Variants in ATRNL1 observed in about 807,000 individuals in gnomAD.
The protein encoded by ATRNL1 is attractin-like protein 1.
ATRNL1 carries 95 observed loss-of-function variants against 182.7 expected under a neutral mutation model. The observed-to-expected ratio is 0.52, with a 90% CI of 0.44 to 0.62. The LOEUF (loss-of-function observed/expected upper bound fraction) is 0.62. ATRNL1 is among the 20% of genes least tolerant of loss of function. ATRNL1 has a pLI of 0.00. For synonymous variants in ATRNL1, 576 were observed against 568.3 expected, an observed-to-expected ratio of 1.01 and a Z score of -0.19; for missense variants, 1,471 against 1,679.5, an observed-to-expected ratio of 0.88 and a Z score of 2.17.
At position 115,201,075 on chromosome 10, in the gene ATRNL1, GT is replaced by G. The variant is rs1431751302; in HGVS notation, c.1349-14606del. On this transcript the variant is annotated intron_variant, in intron 8 of 28. Coordinates refer to ENST00000355044, the MANE Select transcript of ATRNL1 (RefSeq NM_207303.4). ...CCTTTGGCCACTTTTTGGTGGGCTT[GT>G]TTTTTTTTTTTTTTTGTAAATTTGT... 1.9e-3 allele frequency among the ~76,000 whole-genome samples: 239 copies of G among 125,552 alleles called. 1 individual carries two copies. The highest frequency in any genetic ancestry group is 0.016 in the Middle Eastern group (4 of 244). The allele number at this position is 125,552 out of a possible 152,430, so 82.4% of individuals were successfully genotyped here.
intron 19 of ATRNL1, among the ~76,000 whole-genome samples, chr10:115,345,802 C>T (rs1027966338): frequency 4.6e-5 from 7 of 152,170 alleles, no homozygotes; most frequent in African/African-American, 1.7e-4. Context: ...TCTGTCTTTA[C>T]AAATTTACTT....
At chr10:115,923,683 T>G (rs571518891) in intron 28 of ATRNL1, among the ~76,000 whole-genome samples, 1 of 152,320 alleles carries the variant, frequency 6.6e-6, no homozygotes, top group Non-Finnish European at 1.5e-5. Flanking sequence ...GTTCCATGAC[T>G]TTGCTGTTGT....
chr10:115,596,632 G>A (rs1472394574), intron 26 of ATRNL1, among the ~76,000 whole-genome samples: 1 of 152,144 alleles, frequency 6.6e-6, no homozygotes, highest in Non-Finnish European at 1.5e-5. Flanking sequence ...TGAAGGGCGT[G>A]TTTAGTTGGA....
At chr10:115,114,826 T>C (rs1415060097) in intron 1 of ATRNL1, among the ~76,000 whole-genome samples, 1 of 151,948 alleles carries the variant, frequency 6.6e-6, no homozygotes, top group African/African-American at 2.4e-5. Flanking sequence ...AAAAAAAATA[T>C]GGAGGTTCAT....
At chr10:115,318,125 G>T (rs1854395646) in intron 18 of ATRNL1, among the ~76,000 whole-genome samples, 1 of 152,120 alleles carries the variant, frequency 6.6e-6, no homozygotes, top group Non-Finnish European at 1.5e-5. Flanking sequence ...TTTATCAAAG[G>T]CCTTTTCTGC....
intron 14 of ATRNL1, among the ~76,000 whole-genome samples, chr10:115,282,029 A>G (rs1852385014): frequency 6.9e-6 from 1 of 144,906 alleles, no homozygotes; most frequent in Non-Finnish European, 1.5e-5. Flanking sequence ...TATATTAACA[A>G]TAAATACATA....
chr10:115,739,411 A>G (rs145867063), intron 27 of ATRNL1, among the ~76,000 whole-genome samples: 1 of 152,334 alleles, frequency 6.6e-6, no homozygotes, highest in Non-Finnish European at 1.5e-5. Flanking sequence ...AGCTTTGGAT[A>G]AACAAGACTG....
At chr10:115,116,613 G>T (rs1301038279) in intron 1 of ATRNL1, among the ~76,000 whole-genome samples, 2 of 152,084 alleles carry the variant, frequency 1.3e-5, no homozygotes, top group African/African-American at 4.8e-5. Context: ...TTTAAGAAGA[G>T]ATCATGAAAC....
chr10:115,934,501 C>T (rs1409021172), intron 28 of ATRNL1, among the ~76,000 whole-genome samples: 2 of 152,102 alleles, frequency 1.3e-5, no homozygotes, highest in African/African-American at 2.4e-5. Context: ...CTTTCCCACA[C>T]ACCCTGGCCA....
chr10:115,715,035 A>G (rs1297167717), intron 26 of ATRNL1, among the ~76,000 whole-genome samples: 2 of 152,176 alleles, frequency 1.3e-5, no homozygotes, highest in Non-Finnish European at 2.9e-5. Context: ...TGGGAGCATC[A>G]TTAGACCAAG....
chr10:115,214,318 A>ATG (rs1391479336), intron 8 of ATRNL1, among the ~76,000 whole-genome samples: 2 of 151,574 alleles, frequency 1.3e-5, no homozygotes, highest in East Asian at 3.9e-4. Flanking sequence ...AAATATATAT[A>ATG]TATATATATA....
At chr10:115,122,679 C>G (rs1554872103) in intron 3 of ATRNL1, among the ~76,000 whole-genome samples, 1 of 151,770 alleles carries the variant, frequency 6.6e-6, no homozygotes, top group East Asian at 1.9e-4. Flanking sequence ...TTATTTTGTT[C>G]TATTTTATCA....
intron 27 of ATRNL1, among the ~76,000 whole-genome samples, chr10:115,761,972 T>C (rs1423808764): frequency 1.3e-5 from 2 of 152,184 alleles, no homozygotes; most frequent in African/African-American, 4.8e-5. Context: ...CTCTTTTCTC[T>C]TTCTCTGTCA....
chr10:115,793,212 A>T (rs1240391313), intron 27 of ATRNL1, among the ~76,000 whole-genome samples: 2 of 152,062 alleles, frequency 1.3e-5, no homozygotes, highest in African/African-American at 2.4e-5. Context: ...GTTAGTCATT[A>T]TCTGTGCCCT....
At chr10:115,717,290 A>C (rs1246842592) in intron 26 of ATRNL1, among the ~76,000 whole-genome samples, 3 of 152,096 alleles carry the variant, frequency 2.0e-5, no homozygotes, top group African/African-American at 7.2e-5. Context: ...ATAGGAATGG[A>C]CTGTCTGAGA....
intron 28 of ATRNL1, among the ~76,000 whole-genome samples, chr10:115,910,389 T>A (rs1952638442): frequency 6.6e-6 from 1 of 152,138 alleles, no homozygotes; most frequent in Non-Finnish European, 1.5e-5. Flanking sequence ...TGTCTCCCCA[T>A]CGGGGAGAAG....
At chr10:115,379,655 A>C (rs1344513727) in intron 19 of ATRNL1, among the ~76,000 whole-genome samples, 1 of 152,198 alleles carries the variant, frequency 6.6e-6, no homozygotes, top group African/African-American at 2.4e-5. Context: ...ACATATTACT[A>C]ATATATCACG....
chr10:115,572,716 A>G (rs376892271), intron 26 of ATRNL1, among the ~76,000 whole-genome samples: 4 of 152,234 alleles, frequency 2.6e-5, no homozygotes, highest in South Asian at 2.1e-4. Context: ...GGCTGAATCT[A>G]TAAGTTTCCT....
intron 20 of ATRNL1, among the ~76,000 whole-genome samples, chr10:115,411,566 A>G (rs589508): frequency 0.38 from 57,773 of 151,684 alleles, 12,165 homozygotes; most frequent in African/African-American, 0.57. Context: ...ACCCTTTGAA[A>G]TTACATTTTT....
Sources: allele counts gnomAD v4.1 joint callset (sites outside exome capture counted in the v4.1 genomes callset), GRCh38; gene constraint gnomAD v4.1.1; transcripts MANE v1.5; gene names NCBI Gene and HGNC (gene_info 2026-07-23, HGNC 2026-07-21).